ADGRF5: variants seen among roughly 807,000 people sequenced by gnomAD.
The protein encoded by ADGRF5 is G-protein coupled receptor 116.
A neutral mutation model predicts 132.3 loss-of-function variants in ADGRF5; 75 were observed. The ratio of observed to expected loss-of-function variants is 0.57; its 90% confidence interval spans 0.47 to 0.69. The LOEUF is 0.69. ADGRF5 is among the 30% of genes least tolerant of loss of function. The pLI is 0.00. For missense variants in ADGRF5, 1,516 were observed against 1,630.6 expected, an observed-to-expected ratio of 0.93 and a Z score of 1.21; for synonymous variants, 629 against 597.6, an observed-to-expected ratio of 1.05 and a Z score of -0.77.
At chr6:46,863,255 A>T in intron 14 of ADGRF5, 159 bp from the exon 15 acceptor site, 1 of 710,390 alleles carries the variant, frequency 1.4e-6, no homozygotes. Context: ...TTTGCCCTTG[A>T]TTTTCCAAAG....
At chr6:46,901,178 G>T (rs1165650373) in intron 2 of ADGRF5, among the ~76,000 whole-genome samples, 1 of 152,078 alleles carries the variant, frequency 6.6e-6, no homozygotes, top group African/African-American at 2.4e-5. Context: ...TTAAAGAATA[G>T]GCATTGATCA....
chr6:46,921,447 T>TA (rs1309147987), intron 1 of ADGRF5, among the ~76,000 whole-genome samples: 1 of 152,204 alleles, frequency 6.6e-6, no homozygotes, highest in Non-Finnish European at 1.5e-5. Flanking sequence ...AGTCTGTTAT[T>TA]AAGAAAATCC....
chr6:46,922,475 T>A (rs1777026414), upstream of ADGRF5, among the ~76,000 whole-genome samples: 1 of 152,182 alleles, frequency 6.6e-6, no homozygotes. Context: ...TAGTGGTACT[T>A]AAAATACCGC....
At chr6:46,865,384 A>T (rs1413327449) in intron 13 of ADGRF5, among the ~76,000 whole-genome samples, 187 bp from the exon 14 acceptor site, 2 of 152,232 alleles carry the variant, frequency 1.3e-5, no homozygotes, top group African/African-American at 4.8e-5. Context: ...GTGCTAGTCA[A>T]AACTTCTCCT....
chr6:46,904,184 A>C (rs1356236745), intron 2 of ADGRF5, among the ~76,000 whole-genome samples: 1 of 152,222 alleles, frequency 6.6e-6, no homozygotes, highest in Non-Finnish European at 1.5e-5. Context: ...TGCTTACATG[A>C]AAGCTTGAGA....
In ADGRF5 at chr6:46,896,259, C is replaced by T. The variant is rs573276705; in HGVS notation, c.157+3770G>A. On this transcript the variant is annotated intron_variant, in intron 3 of 20. Transcript: ENST00000283296. ...TTCCTGATGGAATCGTGACATGACT[C>T]GGGATCTTTCCCCCATTCTTATTTC... Among the ~76,000 whole-genome samples, 38 of 152,282 alleles carry T rather than the reference C, an allele frequency of 2.5e-4. 1 individual carries two copies. In the South Asian group the frequency reaches 3.1e-3, roughly 12 times the overall value.
intron 3 of ADGRF5, among the ~76,000 whole-genome samples, chr6:46,889,507 G>C (rs1202461667): frequency 2.1e-5 from 3 of 144,296 alleles, no homozygotes; most frequent in Non-Finnish European, 3.0e-5. Context: ...TATAGAGAGA[G>C]ACTATATATA....
chr6:46,901,594 A>T (rs1405276988), intron 2 of ADGRF5, among the ~76,000 whole-genome samples: 1 of 152,244 alleles, frequency 6.6e-6, no homozygotes, highest in Admixed American at 6.5e-5. Context: ...AAGAAAGCAC[A>T]GGCAGAGAGA....
chr6:46,894,047 C>T (rs1773931644), intron 3 of ADGRF5, among the ~76,000 whole-genome samples: 5 of 152,220 alleles, frequency 3.3e-5, no homozygotes. Flanking sequence ...GGTAAATTAA[C>T]TTCTTCCCTG....
Position 46,853,798 on chromosome 6 carries a change from G to A in ADGRF5, c.*194C>T, listed in dbSNP as rs568213564. The A allele has an allele frequency of 1.1e-5, 5 of 451,728 alleles. No homozygotes were observed. The highest frequency in any genetic ancestry group is 9.6e-5 in the East Asian group (2 of 20,924). 28.0% of individuals were successfully genotyped at this position (451,728 alleles called of 1,614,324 possible). On this transcript the variant is annotated 3_prime_UTR_variant, in exon 21 of 21. Coordinates refer to ENST00000283296, the MANE Select transcript of ADGRF5 (RefSeq NM_001098518.2). ...GTATCACACAAGGGGGAGGGGGAGG[G>A]AACAAACAGAAACATAACAATTATT... is the stretch of plus-strand genomic sequence containing the variant.
chr6:46,882,163 A>G (rs1025934093), intron 6 of ADGRF5, 56 bp from the exon 7 acceptor site: 9 of 1,131,372 alleles, frequency 8.0e-6, no homozygotes, highest in African/African-American at 3.0e-5. Flanking sequence ...TAGGTGTATC[A>G]AAAGATCTGA....
At chr6:46,943,439 G>A (rs563908625) in intron 1 of ADGRF5, among the ~76,000 whole-genome samples, 128 of 152,262 alleles carry the variant, frequency 8.4e-4, no homozygotes, top group African/African-American at 2.9e-3. Context: ...TCTTAATGCT[G>A]GGAAACTTAT....
At chr6:46,856,674 C>T (rs1345664199) in intron 19 of ADGRF5, 44 bp downstream of exon 19, 2 of 1,083,702 alleles carry the variant, frequency 1.8e-6, no homozygotes, top group East Asian at 2.4e-5. Flanking sequence ...TAGTGGAATA[C>T]ATGATGTTAT....
chr6:46,891,162 A>T (rs994902532), intron 3 of ADGRF5, among the ~76,000 whole-genome samples: 2 of 152,248 alleles, frequency 1.3e-5, no homozygotes, highest in African/African-American at 4.8e-5. Context: ...AATGTATTTG[A>T]CAAATAGAAT....
intron 4 of ADGRF5, 116 bp from the exon 5 acceptor site, chr6:46,884,387 C>T: frequency 1.3e-6 from 1 of 788,162 alleles, no homozygotes; most frequent in Non-Finnish European, 2.1e-6. Flanking sequence ...CTTTATATTA[C>T]CTTTCTGAGA....
chr6:46,943,365 T>C (rs749358712), intron 1 of ADGRF5, among the ~76,000 whole-genome samples: 1 of 152,222 alleles, frequency 6.6e-6, no homozygotes, highest in Non-Finnish European at 1.5e-5. Context: ...GTATTCATAT[T>C]CACAAATAGG....
chr6:46,867,042 C>A lies in ADGRF5; in HGVS notation c.1717G>T (p.Val573Phe). The change falls in exon 13 of 21, where the codon GTT (valine) becomes TTT (phenylalanine). Residue 573 changes from valine to phenylalanine, a missense_variant. Val to Phe is a conservative substitution (Grantham distance 50). Around this residue, in one of 2 missense-constraint regions of ADGRF5, gnomAD observed 945 missense variants for 929.4 expected, o/e 1.02. Coordinates refer to ENST00000283296, the MANE Select transcript of ADGRF5 (RefSeq NM_001098518.2). ...GAAACAGTAGCTTCCAAAGGATCAA[C>A]CATGATGTTCAGCTTTAGAGGCAGC... ...HPLPLKLNIM[V>F]DPLEATVSCS... 6.2e-7 allele frequency: 1 copy of A among 1,613,734 alleles called. No individual in the cohort carries two copies. Among genetic ancestry groups the A allele is most frequent in the Non-Finnish European group, 8.5e-7 (1 of 1,179,622 alleles).
At chr6:46,875,353 G>T (rs1261117336) in intron 10 of ADGRF5, among the ~76,000 whole-genome samples, 2 of 152,154 alleles carry the variant, frequency 1.3e-5, no homozygotes, top group African/African-American at 2.4e-5. Flanking sequence ...AGAAGAGAAG[G>T]TATGCAATTA....
intron 10 of ADGRF5, among the ~76,000 whole-genome samples, chr6:46,873,778 A>G (rs995316494): frequency 1.3e-5 from 2 of 152,118 alleles, no homozygotes; most frequent in African/African-American, 4.8e-5. Flanking sequence ...CCATTTAAGA[A>G]CTCATCTTTT....
Sources: allele counts gnomAD v4.1 joint callset (sites outside exome capture counted in the v4.1 genomes callset), GRCh38; gene constraint gnomAD v4.1.1; regional missense constraint gnomAD v4.1.1; transcripts MANE v1.5; gene names NCBI Gene and HGNC (gene_info 2026-07-23, HGNC 2026-07-21).